Variants in AFG1L observed in about 807,000 individuals in gnomAD.
AFG1L encodes the protein AFG1 like ATPase, also known as AFG1-like ATPase.
Under a neutral mutation model 62.2 loss-of-function variants are expected in AFG1L, and 53 were observed. The observed-to-expected ratio is 0.85, with a 90% CI of 0.68 to 1.07. The LOEUF (loss-of-function observed/expected upper bound fraction) is 1.07. AFG1L is among the 50% of genes least tolerant of loss of function. The pLI, the probability that AFG1L is intolerant of heterozygous loss-of-function variation, is 0.00. For missense variants in AFG1L, 555 were observed against 590.5 expected (o/e 0.94, Z 0.62); for synonymous variants, 228 against 210.3 (o/e 1.08, Z -0.73).
intron 7 of AFG1L, among the ~76,000 whole-genome samples, chr6:108,407,720 G>A (rs1469678663): frequency 6.6e-6 from 1 of 151,774 alleles, no homozygotes. Flanking sequence ...AATCCCACAG[G>A]AGGGAACCTC....
At chr6:108,417,084 T>C (rs1770331231) in intron 7 of AFG1L, among the ~76,000 whole-genome samples, 1 of 151,132 alleles carries the variant, frequency 6.6e-6, no homozygotes, top group Non-Finnish European at 1.5e-5. Flanking sequence ...AAATAAAAAA[T>C]TTAGTCAGGC....
chr6:108,352,562 T>A (rs1779125581), intron 3 of AFG1L, among the ~76,000 whole-genome samples: 1 of 152,194 alleles, frequency 6.6e-6, no homozygotes. Flanking sequence ...TTGTTTATGA[T>A]GATGATTATT....
At chr6:108,497,898 A>G (rs1460048802) in intron 10 of AFG1L, among the ~76,000 whole-genome samples, 2 of 152,190 alleles carry the variant, frequency 1.3e-5, no homozygotes, top group African/African-American at 4.8e-5. Context: ...ATTCAATGAC[A>G]TAAACTGAGT....
At chr6:108,415,053 G>A (rs1431532470) in intron 7 of AFG1L, among the ~76,000 whole-genome samples, 1 of 152,166 alleles carries the variant, frequency 6.6e-6, no homozygotes, top group Non-Finnish European at 1.5e-5. Context: ...TCCTTAAGCT[G>A]ATAAGCAACT....
At chr6:108,398,643 G>A (rs904119597) in intron 6 of AFG1L, among the ~76,000 whole-genome samples, 1 of 152,128 alleles carries the variant, frequency 6.6e-6, no homozygotes, top group African/African-American at 2.4e-5. Flanking sequence ...TGAGATAGGG[G>A]TCTAGTCTCA....
chr6:108,343,344 G>A (rs947762635), intron 2 of AFG1L, among the ~76,000 whole-genome samples: 1 of 136,544 alleles, frequency 7.3e-6, no homozygotes, highest in South Asian at 2.2e-4. Context: ...CACCACGCCC[G>A]GCCAACCTTT....
chr6:108,351,722 A>T (rs1386407091), intron 3 of AFG1L, among the ~76,000 whole-genome samples: 1 of 152,158 alleles, frequency 6.6e-6, no homozygotes, highest in Admixed American at 6.5e-5. Flanking sequence ...AATTGTTTTT[A>T]TTATGGTAAA....
intron 4 of AFG1L, 32 bp from the exon 5 acceptor site, chr6:108,356,658 A>T: frequency 6.6e-7 from 1 of 1,512,670 alleles, no homozygotes; most frequent in Non-Finnish European, 9.0e-7. Context: ...GTACTAATAT[A>T]TTTCATCTGT....
intron 7 of AFG1L, among the ~76,000 whole-genome samples, chr6:108,444,104 A>ATG (rs1771665409): frequency 7.7e-6 from 1 of 129,840 alleles, no homozygotes; most frequent in Non-Finnish European, 1.7e-5. Context: ...ATCTATCTAT[A>ATG]TCTGCACAGG....
chr6:108,397,711 T>C (rs1169280172), intron 6 of AFG1L, among the ~76,000 whole-genome samples: 1 of 152,222 alleles, frequency 6.6e-6, no homozygotes, highest in Non-Finnish European at 1.5e-5. Context: ...GAATATGCGA[T>C]GTTTGTCTTT....
chr6:108,364,993 A>G (rs1779696738), intron 5 of AFG1L, among the ~76,000 whole-genome samples: 1 of 152,044 alleles, frequency 6.6e-6, no homozygotes, highest in Non-Finnish European at 1.5e-5. Flanking sequence ...TGTTAATTGC[A>G]TTATAACCAT....
At chr6:108,314,254 G>A (rs746697663) in intron 1 of AFG1L, among the ~76,000 whole-genome samples, 3 of 151,944 alleles carry the variant, frequency 2.0e-5, no homozygotes, top group African/African-American at 7.2e-5. Flanking sequence ...AAAAAGATAA[G>A]AAAATAATTC....
At chr6:108,324,284 T>TA in intron 2 of AFG1L, among the ~76,000 whole-genome samples, 1 of 152,326 alleles carries the variant, frequency 6.6e-6, no homozygotes, top group South Asian at 2.1e-4. Context: ...CCAGTCTAAA[T>TA]AAAAACTTCT....
At chr6:108,490,595 A>G (rs1408976688) in intron 10 of AFG1L, among the ~76,000 whole-genome samples, 2 of 152,204 alleles carry the variant, frequency 1.3e-5, no homozygotes, top group African/African-American at 4.8e-5. Flanking sequence ...TGTACTGTCA[A>G]TTTCTTTCCT....
At chr6:108,518,199 C>T (rs1774978744) in intron 11 of AFG1L, among the ~76,000 whole-genome samples, 2 of 152,162 alleles carry the variant, frequency 1.3e-5, no homozygotes, top group Non-Finnish European at 2.9e-5. Flanking sequence ...AAGACACATG[C>T]ACACGTATGT....
chr6:108,402,244 C>T (rs543088282), intron 7 of AFG1L, among the ~76,000 whole-genome samples, 190 bp downstream of exon 7: 20 of 152,112 alleles, frequency 1.3e-4, no homozygotes, highest in African/African-American at 4.8e-4. Context: ...GTGGGCGGAT[C>T]ACAAGGTCAG....
At chr6:108,383,617 T>A (rs1780638714) in intron 6 of AFG1L, among the ~76,000 whole-genome samples, 1 of 151,710 alleles carries the variant, frequency 6.6e-6, no homozygotes. Flanking sequence ...AATAATAGAA[T>A]GATGAAGAAA....
At chr6:108,445,209 C>G (rs1771713673) in intron 7 of AFG1L, among the ~76,000 whole-genome samples, 1 of 152,202 alleles carries the variant, frequency 6.6e-6, no homozygotes, top group Non-Finnish European at 1.5e-5. Context: ...TTCCTCACCT[C>G]TCTCAACCTT....
intron 8 of AFG1L, among the ~76,000 whole-genome samples, chr6:108,461,484 C>G (rs1772460413): frequency 6.6e-6 from 1 of 152,128 alleles, no homozygotes; most frequent in African/African-American, 2.4e-5. Context: ...GAGACCAGGT[C>G]TGGCTCAGTA....
Sources: allele counts gnomAD v4.1 joint callset (sites outside exome capture counted in the v4.1 genomes callset), GRCh38; gene constraint gnomAD v4.1.1; transcripts MANE v1.5; gene names NCBI Gene and HGNC (gene_info 2026-07-23, HGNC 2026-07-21).